TTLL11: variants seen among roughly 807,000 people sequenced by gnomAD.
TTLL11 encodes the protein tubulin polyglutamylase TTLL11.
A neutral mutation model predicts 51.7 loss-of-function variants in TTLL11; 42 were observed. The ratio of observed to expected loss-of-function variants is 0.81; its 90% confidence interval spans 0.64 to 1.05. The LOEUF (loss-of-function observed/expected upper bound fraction) is 1.05, where lower values mean the gene tolerates loss of function less well. Ranked by LOEUF, TTLL11 falls within the 50% of genes least tolerant of loss-of-function variation. The probability of loss-of-function intolerance (pLI) is 0.00; values close to 1 mark genes in which losing one functional copy is unlikely to be tolerated. For synonymous variants in TTLL11, 381 were observed against 383.5 expected (o/e 0.99, Z 0.08); for missense variants, 799 against 940.4 (o/e 0.85, Z 1.97).
At chr9:122,079,270 T>G (rs1328891329) in intron 1 of TTLL11, among the ~76,000 whole-genome samples, 1 of 152,170 alleles carries the variant, frequency 6.6e-6, no homozygotes, top group Non-Finnish European at 1.5e-5. Context: ...GATAACCCAA[T>G]AGGTATGAAG....
intron 8 of TTLL11, among the ~76,000 whole-genome samples, chr9:121,840,542 A>G (rs9886841): frequency 0.059 from 9,027 of 152,100 alleles, 731 homozygotes; most frequent in African/African-American, 0.19. Context: ...ATTATATGCA[A>G]TTGCCACCAT....
At chr9:121,912,318 A>G (rs971321752) in intron 6 of TTLL11, among the ~76,000 whole-genome samples, 1 of 152,108 alleles carries the variant, frequency 6.6e-6, no homozygotes, top group African/African-American at 2.4e-5. Flanking sequence ...CATCCAGAAC[A>G]CTTCAAACCC....
At chr9:121,986,345 G>A (rs1842940259) in intron 4 of TTLL11, among the ~76,000 whole-genome samples, 1 of 152,156 alleles carries the variant, frequency 6.6e-6, no homozygotes. Context: ...CTGCATGCCG[G>A]GCCCACATGA....
chr9:122,083,904 G>C (rs1468457705), intron 1 of TTLL11, among the ~76,000 whole-genome samples: 1 of 152,196 alleles, frequency 6.6e-6, no homozygotes, highest in South Asian at 2.1e-4. Flanking sequence ...TGGAAAGGGA[G>C]GGGGATGGGG....
At chr9:122,072,799 C>T (rs754784682) in intron 1 of TTLL11, among the ~76,000 whole-genome samples, 1 of 152,134 alleles carries the variant, frequency 6.6e-6, no homozygotes, top group Non-Finnish European at 1.5e-5. Flanking sequence ...CCCTCTGACC[C>T]TTAACCTAAG....
intron 6 of TTLL11, among the ~76,000 whole-genome samples, chr9:121,900,920 C>T (rs540753621): frequency 2.6e-5 from 4 of 152,186 alleles, no homozygotes; most frequent in East Asian, 1.9e-4. Flanking sequence ...GTGGTCCTCC[C>T]GCCTCAGCCT....
At chr9:122,091,672 T>C (rs1204510090) in intron 1 of TTLL11, among the ~76,000 whole-genome samples, 1 of 152,130 alleles carries the variant, frequency 6.6e-6, no homozygotes, top group African/African-American at 2.4e-5. Context: ...AGAACCTGAG[T>C]CCTCTGTTAC....
At chr9:121,888,176 G>A (rs1336948621) in intron 6 of TTLL11, among the ~76,000 whole-genome samples, 2 of 152,150 alleles carry the variant, frequency 1.3e-5, no homozygotes, top group Non-Finnish European at 2.9e-5. Flanking sequence ...AGGTCCCAAG[G>A]CCAAGTCTTT....
At chr9:122,003,434 G>A (rs1329439980) in intron 3 of TTLL11, among the ~76,000 whole-genome samples, 1 of 150,564 alleles carries the variant, frequency 6.6e-6, no homozygotes, top group Non-Finnish European at 1.5e-5. Context: ...TAATCTGTGA[G>A]ACCATTTACT....
chr9:121,950,733 G>A (rs1841826432), intron 6 of TTLL11, among the ~76,000 whole-genome samples: 1 of 152,128 alleles, frequency 6.6e-6, no homozygotes. Flanking sequence ...CCAATGACAG[G>A]AAAGCTGCAA....
chr9:121,931,599 A>G lies in TTLL11; in HGVS notation c.1481+42410T>C, dbSNP rs558882136. ...TTCTACTATTTAAAAAAAAAAAAAAAAAAAAAGAAAAGAAAAGAAAGAAAT... is the reference window on the plus strand; with the variant it reads ...TTCTACTATTTAAAAAAAAAAAAAAGAAAAAAGAAAAGAAAAGAAAGAAAT... On this transcript the variant is annotated intron_variant, in intron 6 of 8. Transcript: ENST00000321582. 1.3e-3 allele frequency among the ~76,000 whole-genome samples: 194 copies of G among 151,130 alleles called. 1 individual carries two copies. Among genetic ancestry groups the G allele is most frequent in the Middle Eastern group, 6.8e-3 (2 of 292 alleles).
At chr9:121,896,100 T>G (rs899664773) in intron 6 of TTLL11, among the ~76,000 whole-genome samples, 1 of 151,838 alleles carries the variant, frequency 6.6e-6, no homozygotes, top group East Asian at 1.9e-4. Context: ...TTGTGTGTGT[T>G]TGTGTGTGTT....
chr9:122,061,906 G>T (rs1357976884), intron 1 of TTLL11, among the ~76,000 whole-genome samples: 1 of 152,156 alleles, frequency 6.6e-6, no homozygotes, highest in Non-Finnish European at 1.5e-5. Flanking sequence ...AAAGTGCTGG[G>T]ATTACAGGTG....
intron 6 of TTLL11, among the ~76,000 whole-genome samples, chr9:121,880,183 G>A (rs1371606835): frequency 6.6e-6 from 1 of 152,040 alleles, no homozygotes; most frequent in African/African-American, 2.4e-5. Context: ...TAGATGAATT[G>A]GCTGGTGCTT....
At chr9:121,913,356 C>A (rs781459395) in intron 6 of TTLL11, among the ~76,000 whole-genome samples, 2 of 152,112 alleles carry the variant, frequency 1.3e-5, no homozygotes, top group Non-Finnish European at 2.9e-5. Flanking sequence ...AAAAAGAAGA[C>A]CAGGAGGCAA....
chr9:121,949,970 C>T (rs188210373), intron 6 of TTLL11, among the ~76,000 whole-genome samples: 5 of 152,084 alleles, frequency 3.3e-5, no homozygotes, highest in African/African-American at 4.8e-5. Context: ...TTGCTCTGTC[C>T]GCATCCATCC....
intron 8 of TTLL11, among the ~76,000 whole-genome samples, chr9:121,835,339 C>A (rs2119133145): frequency 6.6e-6 from 1 of 152,226 alleles, no homozygotes; most frequent in South Asian, 2.1e-4. Flanking sequence ...TGCCCAAGGT[C>A]ACACTCCACC....
At chr9:122,050,980 T>C (rs112582587) in intron 1 of TTLL11, among the ~76,000 whole-genome samples, 1 of 152,154 alleles carries the variant, frequency 6.6e-6, no homozygotes, top group Non-Finnish European at 1.5e-5. Flanking sequence ...TGTAAGATCA[T>C]AGATGTTTTT....
rs1341790445 is a variant in TTLL11, at chr9:121,822,577, A to G, written c.*10T>C. On this transcript the variant is annotated 3_prime_UTR_variant, in exon 9 of 9. Coordinates refer to ENST00000321582, the MANE Select transcript of TTLL11 (RefSeq NM_001139442.2). This position sits in a 1 kb window ranked among gnomAD's most constrained non-coding sequence, Gnocchi z 5.8. ...CTCGTCTTCCGTTTTCCAGGAGGAC[A>G]GAGTGGCCCTCAGGACAGGGTATGT... The G allele has an allele frequency of 5.6e-6, 8 of 1,431,718 alleles. No individual in the cohort carries two copies. The highest frequency in any genetic ancestry group is 7.3e-6 in the Non-Finnish European group (8 of 1,089,420). The allele number at this position is 1,431,718 out of a possible 1,614,324, so 88.7% of individuals were successfully genotyped here. A position where few individuals can be genotyped will look rare whatever the true frequency, so the allele number is the denominator to read the frequency against.
Sources: gnomAD v4.1 joint callset for allele counts (sites outside exome capture counted in the v4.1 genomes callset) on GRCh38, gnomAD v4.1.1 for gene constraint, Gnocchi (gnomAD v3.1) non-coding constraint, MANE v1.5 for transcripts, NCBI Gene and HGNC (gene_info 2026-07-23, HGNC 2026-07-21) for gene names.